GCLM: variants seen among roughly 807,000 people sequenced by gnomAD.
GCLM encodes the protein glutamate--cysteine ligase regulatory subunit.
Under a neutral mutation model 36.0 loss-of-function variants are expected in GCLM, and 15 were observed. That is an observed-to-expected ratio of 0.42 (90% CI 0.28 to 0.64). The LOEUF is 0.64. Ranked by LOEUF, GCLM falls within the 30% of genes least tolerant of loss-of-function variation. The pLI is 0.25. For missense variants in GCLM, 242 were observed against 325.5 expected, an observed-to-expected ratio of 0.74 and a Z score of 1.97; for synonymous variants, 129 against 122.8, an observed-to-expected ratio of 1.05 and a Z score of -0.34.
chr1:93,902,516 G>C (rs1307762892), intron 2 of GCLM, among the ~76,000 whole-genome samples: 1 of 150,572 alleles, frequency 6.6e-6, no homozygotes, highest in Non-Finnish European at 1.5e-5. Flanking sequence ...TTTTAGAGCA[G>C]TTTTAGGTTC....
In GCLM at chr1:93,888,622, A is replaced by T. The variant is rs17886277; in HGVS notation, c.*368T>A. 0.012 allele frequency: 1,922 copies of T among 155,260 alleles called. 36 individuals are homozygous for T. Among genetic ancestry groups the T allele is most frequent in the African/African-American group, 0.044 (1,828 of 41,620 alleles). 9.6% of individuals were successfully genotyped at this position (155,260 alleles called of 1,614,324 possible). On this transcript the variant is annotated 3_prime_UTR_variant, in exon 7 of 7. Transcript: ENST00000370238. ...ATAAGAGTTAAGAAGCAATTAATGAATTTTTTTTGGAAATAAAAAATATGT... is the reference window on the plus strand; with the variant it reads ...ATAAGAGTTAAGAAGCAATTAATGATTTTTTTTTGGAAATAAAAAATATGT...
At chr1:93,893,997 C>T (rs1392966710) in intron 6 of GCLM, among the ~76,000 whole-genome samples, 1 of 152,158 alleles carries the variant, frequency 6.6e-6, no homozygotes, top group Non-Finnish European at 1.5e-5. Flanking sequence ...GTGGCTCATG[C>T]CTAAAATCCC....
chr1:93,908,310 T>A (rs1304759182), intron 1 of GCLM, among the ~76,000 whole-genome samples: 1 of 152,224 alleles, frequency 6.6e-6, no homozygotes, highest in Non-Finnish European at 1.5e-5. Context: ...AACTAGTGAC[T>A]AGTCTTTTTA....
intron 2 of GCLM, among the ~76,000 whole-genome samples, chr1:93,902,841 T>G (rs900795241): frequency 7.5e-6 from 1 of 132,962 alleles, no homozygotes; most frequent in Non-Finnish European, 1.6e-5. Context: ...TGCTAACCCC[T>G]GGCAACAACT....
At chr1:93,891,646 T>C (rs755724034) in intron 6 of GCLM, among the ~76,000 whole-genome samples, 9 of 152,178 alleles carry the variant, frequency 5.9e-5, no homozygotes, top group East Asian at 1.9e-4. Flanking sequence ...GGCTGGCAAA[T>C]GGTGCTCAAA....
chr1:93,892,558 A>T lies in GCLM; in HGVS notation c.655+2056T>A, dbSNP rs17879710. Among the ~76,000 whole-genome samples the T allele has an allele frequency of 1.4e-3, 216 of 152,312 alleles. 3 individuals carry two copies. The highest frequency in any genetic ancestry group is 4.9e-3 in the African/African-American group (205 of 41,570). On this transcript the variant is annotated intron_variant, in intron 6 of 6. Coordinates refer to ENST00000370238, the MANE Select transcript of GCLM (RefSeq NM_002061.4). ...AGATTAAAGTGTCTGAAGGTTCATTAATGATAAATGCAGGATAAGCCTATA... is the reference window on the plus strand; with the variant it reads ...AGATTAAAGTGTCTGAAGGTTCATTTATGATAAATGCAGGATAAGCCTATA...
At chr1:93,907,160 T>C (rs910768949) in intron 1 of GCLM, among the ~76,000 whole-genome samples, 1 of 152,220 alleles carries the variant, frequency 6.6e-6, no homozygotes, top group Non-Finnish European at 1.5e-5. Context: ...AAAGTTCTTT[T>C]ACATAGAAAC....
In GCLM at chr1:93,888,838, G is replaced by A; in HGVS notation, c.*152C>T. Reference sequence around the variant, plus strand: ...ATGGATTGATATGGAGGCAAGATAAGTATTTAAAACTTGACAGACAACATA... The same window carrying A: ...ATGGATTGATATGGAGGCAAGATAAATATTTAAAACTTGACAGACAACATA... On this transcript the variant is annotated 3_prime_UTR_variant, in exon 7 of 7. Transcript: ENST00000370238. 1 of 488,628 alleles carries A rather than the reference G, an allele frequency of 2.0e-6. No individual in the cohort carries two copies. Among genetic ancestry groups the A allele is most frequent in the East Asian group, 3.3e-5 (1 of 30,732 alleles). 30.3% of individuals were successfully genotyped at this position (488,628 alleles called of 1,614,324 possible).
chr1:93,900,910 C>A (rs982762606), intron 3 of GCLM, among the ~76,000 whole-genome samples: 1 of 152,088 alleles, frequency 6.6e-6, no homozygotes, highest in South Asian at 2.1e-4. Flanking sequence ...AGGTACATCC[C>A]CATTTTATAG....
rs1213531256 is a variant in GCLM, at chr1:93,885,313, T to TA, written c.*3676dup. 1 of 152,110 alleles carries TA rather than the reference T, an allele frequency of 6.6e-6. No individual in the cohort carries two copies. The highest frequency in any genetic ancestry group is 1.5e-5 in the Non-Finnish European group (1 of 68,000). The allele number at this position is 152,110 out of a possible 1,614,324, so 9.4% of individuals were successfully genotyped here. On this transcript the variant is annotated 3_prime_UTR_variant, in exon 7 of 7. Coordinates refer to ENST00000370238, the MANE Select transcript of GCLM (RefSeq NM_002061.4). ...CTTCCAGCTATTGAAACAACCCAAT[T>TA]AAAAAATATACAACTCACACTTTAT...
intron 3 of GCLM, among the ~76,000 whole-genome samples, chr1:93,899,849 A>G (rs1391057629): frequency 1.3e-5 from 2 of 152,162 alleles, no homozygotes; most frequent in Non-Finnish European, 2.9e-5. Flanking sequence ...TTTCATTCAA[A>G]TTCAACTTTA....
chr1:93,896,500 C>A, intron 5 of GCLM, 118 bp downstream of exon 5: 1 of 735,186 alleles, frequency 1.4e-6, no homozygotes, highest in Non-Finnish European at 2.4e-6. Flanking sequence ...AAAACTCCCA[C>A]ATGTGGAAAA....
rs1384458401 is a variant in GCLM at position 93,909,088 on chromosome 1, G to A, written c.76C>T (p.Leu26=). Residue 26 remains leucine (L), a synonymous_variant, in exon 1 of 7, where the codon CTG becomes TTG. Transcript: ENST00000370238. ...TTCTTCCGCAGGCGGCCCCAGTTCA[G>A]CAGGTTCCCCGTCTGCAGGTGCAGG... ...RTLHLQTGNL[L]NWGRLRKKCP... 11 of 1,474,160 alleles carry A rather than the reference G, an allele frequency of 7.5e-6. No homozygotes were observed. The highest frequency in any genetic ancestry group is 1.5e-5 in the African/African-American group (1 of 68,336). The allele number at this position is 1,474,160 out of a possible 1,614,324, so 91.3% of individuals were successfully genotyped here.
intron 3 of GCLM, among the ~76,000 whole-genome samples, chr1:93,898,322 A>AAAAAAAAAAAAAAAAAAAAAAAC (rs1656812584): frequency 6.8e-6 from 1 of 147,908 alleles, no homozygotes; most frequent in African/African-American, 2.5e-5. Flanking sequence ...AAAAAAAAAA[A>AAAAAAAAAAAAAAAAAAAAAAAC]AAAAAAAGGC....
intron 3 of GCLM, among the ~76,000 whole-genome samples, chr1:93,898,595 T>A (rs1217046153): frequency 6.6e-6 from 1 of 152,114 alleles, no homozygotes; most frequent in Non-Finnish European, 1.5e-5. Context: ...CCGCTTCGGC[T>A]TCCCAAAGTG....
chr1:93,908,287 C>T (rs1323966393), intron 1 of GCLM, among the ~76,000 whole-genome samples: 2 of 152,204 alleles, frequency 1.3e-5, no homozygotes, highest in South Asian at 2.1e-4. Flanking sequence ...CCAGATTAAT[C>T]TCTGTCACCT....
At chr1:93,908,349 T>C (rs1381688975) in intron 1 of GCLM, among the ~76,000 whole-genome samples, 2 of 152,216 alleles carry the variant, frequency 1.3e-5, no homozygotes, top group African/African-American at 4.8e-5. Context: ...ACTTTAATTT[T>C]TGAATTGATA....
chr1:93,886,823 A>T lies in GCLM; in HGVS notation c.*2167T>A, dbSNP rs1016808710. On this transcript the variant is annotated 3_prime_UTR_variant, in exon 7 of 7. Coordinates refer to ENST00000370238, the MANE Select transcript of GCLM (RefSeq NM_002061.4). ...CACTGTATAGATTTAAAATAAAATG[A>T]ACGCTTGTTTAAGGACTTATATGAA... 2.6e-5 allele frequency: 4 copies of T among 152,124 alleles called. No homozygotes were observed. The highest frequency in any genetic ancestry group is 2.6e-4 in the Admixed American group (4 of 15,264). 9.4% of individuals were successfully genotyped at this position (152,124 alleles called of 1,614,324 possible). A position where few individuals can be genotyped will look rare whatever the true frequency, so the allele number is the denominator to read the frequency against.
In GCLM at chr1:93,897,501, CTTGGATTTTTT is replaced by C. The variant is rs564880011; in HGVS notation, c.337+327_337+337del. 4.2e-3 allele frequency among the ~76,000 whole-genome samples: 632 copies of C among 150,156 alleles called. 4 individuals carry two copies. The highest frequency in any genetic ancestry group is 0.015 in the African/African-American group (610 of 41,032). ...AACCTAAGTGCTAAAAACAGATATA[CTTGGATTTTTT>C]TTGGATTTTTTTTTTTTTGCCGTTG... On this transcript the variant is annotated intron_variant, in intron 4 of 6. Coordinates refer to ENST00000370238, the MANE Select transcript of GCLM (RefSeq NM_002061.4).
Sources: allele counts gnomAD v4.1 joint callset (sites outside exome capture counted in the v4.1 genomes callset), GRCh38; gene constraint gnomAD v4.1.1; transcripts MANE v1.5; gene names NCBI Gene and HGNC (gene_info 2026-07-23, HGNC 2026-07-21).